Variants in WDR19 observed in about 807,000 individuals in gnomAD.
WDR19 encodes WD repeat domain 19, also known as WD repeat-containing protein 19.
Under a neutral mutation model 180.0 loss-of-function variants are expected in WDR19, and 121 were observed. That is an observed-to-expected ratio of 0.67 (90% CI 0.58 to 0.78). The LOEUF (loss-of-function observed/expected upper bound fraction) is 0.78. Ranked by LOEUF, WDR19 falls within the 30% of genes least tolerant of loss-of-function variation. The pLI is 0.00. For missense variants in WDR19, 1,450 were observed against 1,640.7 expected, an observed-to-expected ratio of 0.88 and a Z score of 2.01; for synonymous variants, 497 against 540.7, an observed-to-expected ratio of 0.92 and a Z score of 1.12.
At chr4:39,281,236 T>TAGAGAGAGAGAGAGAGAGAGAGAGAG (rs1553919999) in intron 36 of WDR19, among the ~76,000 whole-genome samples, 34 of 103,998 alleles carry the variant, frequency 3.3e-4, no homozygotes, top group African/African-American at 1.1e-3. Context: ...TATATATATA[T>TAGAGAGAGAGAGAGAGAGAGAGAGAG]AGAGAGAGAG....
intron 34 of WDR19, 78 bp from the exon 35 acceptor site, chr4:39,278,051 CAA>C (rs56151655): frequency 8.3e-3 from 8,974 of 1,083,036 alleles, no homozygotes; most frequent in East Asian, 0.012. Context: ...AAGATTCCGT[CAA>C]AAAAAAAAAA....
chr4:39,234,965 T>C lies in WDR19; in HGVS notation c.2363+90T>C, dbSNP rs533586492. 503 of 714,522 alleles carry C rather than the reference T, an allele frequency of 7.0e-4. No homozygotes were observed. The African/African-American group carries it at 7.6e-3, about 11-fold the overall frequency. The allele number at this position is 714,522 out of a possible 1,614,324, so 44.3% of individuals were successfully genotyped here. A position where few individuals can be genotyped will look rare whatever the true frequency, so the allele number is the denominator to read the frequency against. On this transcript the variant is annotated intron_variant, in intron 20 of 36. Coordinates refer to ENST00000399820, the MANE Select transcript of WDR19 (RefSeq NM_025132.4). ...CTTCCATTAATGATAAGGCCCTCCA[T>C]TGATTTAATAATTTTTTTAGAGAAA...
chr4:39,185,717 A>AT lies in WDR19; in HGVS notation c.7-3dup. The AT allele has an allele frequency of 1.3e-6, 2 of 1,551,780 alleles. No homozygotes were observed. Among genetic ancestry groups the AT allele is most frequent in the Non-Finnish European group, 8.7e-7 (1 of 1,146,860 alleles). On this transcript the variant is annotated splice_polypyrimidine_tract_variant and intron_variant, in intron 1 of 36. Transcript: ENST00000399820. ...TTTGAAAATATTAAAAATTGTGTTT[A>AT]TTTTTTAGCGTATTTTCTCACTGCT...
At chr4:39,259,892 C>T (rs1186839209) in intron 28 of WDR19, among the ~76,000 whole-genome samples, 1 of 152,188 alleles carries the variant, frequency 6.6e-6, no homozygotes, top group Non-Finnish European at 1.5e-5. Flanking sequence ...TTGATATTGT[C>T]AGCTATCTAG....
chr4:39,273,028 C>A lies in WDR19; in HGVS notation c.3532C>A (p.Arg1178=). Reference sequence around the variant, plus strand: ...CATGAAAGGGGCTCGCATGCTCATTCGGGTGGCCAACAACATCAGCAAATT... The same window carrying A: ...CATGAAAGGGGCTCGCATGCTCATTAGGGTGGCCAACAACATCAGCAAATT... The part of the protein sequence containing the change: ...DHMKGARMLI[R]VANNISKFPS... Residue 1178 remains arginine (R), a synonymous_variant, in exon 32 of 37, where the codon CGG becomes AGG. Transcript: ENST00000399820. The A allele has an allele frequency of 6.2e-7, 1 of 1,605,412 alleles. No homozygotes were observed. The highest frequency in any genetic ancestry group is 8.5e-7 in the Non-Finnish European group (1 of 1,176,176).
chr4:39,252,365 G>T (rs1478834479), intron 24 of WDR19, among the ~76,000 whole-genome samples: 1 of 110,248 alleles, frequency 9.1e-6, no homozygotes. Flanking sequence ...TTGTGGGGTG[G>T]GGGGAGGGGG....
chr4:39,225,652 T>G (rs953600727), intron 15 of WDR19, among the ~76,000 whole-genome samples: 1 of 152,212 alleles, frequency 6.6e-6, no homozygotes, highest in Non-Finnish European at 1.5e-5. Flanking sequence ...TCACATAAGC[T>G]ACAGCTGCTT....
chr4:39,223,743 C>T lies in WDR19; in HGVS notation c.1480-1141C>T, dbSNP rs765635118. On this transcript the variant is annotated intron_variant, in intron 14 of 36. Transcript: ENST00000399820. Reference sequence around the variant, plus strand: ...TGTATCTGTTCTTCCACCAATACTACGCAGTCTTGATTACTATAGCTATAA... The same window carrying T: ...TGTATCTGTTCTTCCACCAATACTATGCAGTCTTGATTACTATAGCTATAA... 6.6e-5 allele frequency among the ~76,000 whole-genome samples: 10 copies of T among 152,164 alleles called. No individual in the cohort carries two copies. The South Asian group carries it at 8.3e-4, about 13-fold the overall frequency.
At chr4:39,272,843 G>A in intron 31 of WDR19, 137 bp from the exon 32 acceptor site, 1 of 661,590 alleles carries the variant, frequency 1.5e-6, no homozygotes, top group Non-Finnish European at 2.5e-6. Flanking sequence ...ATCTCTAATG[G>A]CATCAGCCAG....
At chr4:39,271,932 A>C (rs771054273) in intron 31 of WDR19, among the ~76,000 whole-genome samples, 7 of 152,238 alleles carry the variant, frequency 4.6e-5, no homozygotes, top group Non-Finnish European at 8.8e-5. Context: ...TTAATTGTAT[A>C]TGATTTTAAC....
At position 39,265,569 on chromosome 4, in the gene WDR19, C is replaced by T. The variant is rs148883366; in HGVS notation, c.3184-494C>T. On this transcript the variant is annotated intron_variant, in intron 28 of 36. Transcript: ENST00000399820. ...CGAGCAGATCACAAGGTCAGGAGATCGAGACCATCGTGGCCAACATGGTGA... is the reference window on the plus strand; with the variant it reads ...CGAGCAGATCACAAGGTCAGGAGATTGAGACCATCGTGGCCAACATGGTGA... Among the ~76,000 whole-genome samples the T allele has an allele frequency of 2.3e-3, 346 of 151,872 alleles. 1 individual carries two copies. The highest frequency in any genetic ancestry group is 7.7e-3 in the African/African-American group (318 of 41,450).
chr4:39,199,708 G>GC, intron 6 of WDR19, 115 bp downstream of exon 6: 2 of 680,414 alleles, frequency 2.9e-6, no homozygotes, highest in Non-Finnish European at 4.8e-6. Context: ...AGGTATATAT[G>GC]TGTGTGTGTG....
At chr4:39,227,383 A>C (rs978562175) in intron 15 of WDR19, among the ~76,000 whole-genome samples, 1 of 152,186 alleles carries the variant, frequency 6.6e-6, no homozygotes, top group African/African-American at 2.4e-5. Context: ...ATTTAGTATA[A>C]TATTACAGTC....
At chr4:39,215,328 T>TC (rs71192834) in intron 10 of WDR19, among the ~76,000 whole-genome samples, 10 of 151,770 alleles carry the variant, frequency 6.6e-5, no homozygotes, top group East Asian at 3.9e-4. Flanking sequence ...TTTCTTTCTT[T>TC]TTTTTTGAGA....
intron 30 of WDR19, among the ~76,000 whole-genome samples, chr4:39,268,443 A>C (rs1429614350): frequency 6.6e-6 from 1 of 152,116 alleles, no homozygotes; most frequent in Non-Finnish European, 1.5e-5. Context: ...GTTTGGCCTT[A>C]ACAATATGAG....
At chr4:39,199,161 G>A (rs188894472) in intron 5 of WDR19, among the ~76,000 whole-genome samples, 3 of 152,220 alleles carry the variant, frequency 2.0e-5, no homozygotes, top group East Asian at 3.9e-4. Context: ...GCCAGAATCT[G>A]TCTCAAAAAA....
intron 33 of WDR19, among the ~76,000 whole-genome samples, chr4:39,275,615 G>A (rs1204240987): frequency 6.6e-6 from 1 of 152,154 alleles, no homozygotes; most frequent in Non-Finnish European, 1.5e-5. Context: ...AAGAAGTAGG[G>A]AAATGAGAGG....
intron 1 of WDR19, among the ~76,000 whole-genome samples, chr4:39,183,344 G>C (rs993259861): frequency 7.3e-6 from 1 of 136,844 alleles, no homozygotes; most frequent in Non-Finnish European, 1.5e-5. Context: ...CCACCTCCTG[G>C]GTTCAAGCGA....
At chr4:39,198,556 G>A (rs554662910) in intron 5 of WDR19, among the ~76,000 whole-genome samples, 2 of 147,920 alleles carry the variant, frequency 1.4e-5, no homozygotes, top group East Asian at 2.1e-4. Context: ...GCGAGACTCC[G>A]TCTCAAAAAA....
Sources: gnomAD v4.1 joint callset for allele counts (sites outside exome capture counted in the v4.1 genomes callset) on GRCh38, gnomAD v4.1.1 for gene constraint, MANE v1.5 for transcripts, NCBI Gene and HGNC (gene_info 2026-07-23, HGNC 2026-07-21) for gene names.